Variants in NTNG2 observed in about 807,000 individuals in gnomAD.
NTNG2 encodes netrin G2.
In NTNG2, 15 loss-of-function variants were observed where a neutral mutation model predicts 47.6. The ratio of observed to expected loss-of-function variants is 0.32; its 90% CI spans 0.21 to 0.49. NTNG2 has a LOEUF of 0.49. Ranked by LOEUF, NTNG2 falls within the 20% of genes least tolerant of loss-of-function variation. The probability of loss-of-function intolerance (pLI) is 0.99; values close to 1 mark genes in which losing one functional copy is unlikely to be tolerated. For missense variants in NTNG2, 578 were observed against 764.6 expected, an observed-to-expected ratio of 0.76 and a Z score of 2.88; for synonymous variants, 307 against 324.6, an observed-to-expected ratio of 0.95 and a Z score of 0.58.
intron 2 of NTNG2, among the ~76,000 whole-genome samples, chr9:132,171,948 T>C (rs1439751167): frequency 4.6e-5 from 7 of 152,110 alleles, no homozygotes; most frequent in Non-Finnish European, 1.0e-4. Context: ...GGCACAGTTG[T>C]GATGGGAAAG....
chr9:132,223,172 G>A (rs1329710045), intron 3 of NTNG2, among the ~76,000 whole-genome samples: 1 of 152,150 alleles, frequency 6.6e-6, no homozygotes, highest in African/African-American at 2.4e-5. Flanking sequence ...CATTCTGCAG[G>A]ATAATTCGAG....
rs762648591 is a variant in NTNG2, at chr9:132,241,945, C to T, written c.1427C>T (p.Ala476Val). ...GGTCLQNQRC[A>V]CPRGYTGVRC... Reference sequence around the variant, plus strand: ...ACCTGCCTGCAGAACCAGCGCTGCGCCTGCCCGCGCGGCTACACCGGCGTG... The same window carrying T: ...ACCTGCCTGCAGAACCAGCGCTGCGTCTGCCCGCGCGGCTACACCGGCGTG... The change falls in exon 8 of 8, where the codon GCC becomes GTC. Residue 476 changes from alanine to valine, a missense_variant. By Grantham distance (64) the Ala-to-Val change is moderately conservative (BLOSUM62 0). Transcript: ENST00000393229. 230 of 1,560,850 alleles carry T rather than the reference C, an allele frequency of 1.5e-4. No individual in the cohort carries two copies. The highest frequency in any genetic ancestry group is 1.1e-3 in the Middle Eastern group (6 of 5,410).
chr9:132,235,310 G>A (rs1234379458), intron 5 of NTNG2, among the ~76,000 whole-genome samples: 8 of 152,234 alleles, frequency 5.3e-5, no homozygotes, highest in South Asian at 4.1e-4. Flanking sequence ...GCCCAGAGGC[G>A]GGACCTGGTC....
intron 2 of NTNG2, among the ~76,000 whole-genome samples, chr9:132,186,059 GA>G (rs1837356943): frequency 6.6e-6 from 1 of 152,216 alleles, no homozygotes; most frequent in Admixed American, 6.5e-5. Context: ...CATAGCCAGA[GA>G]AAAATAGGGA....
chr9:132,189,300 C>T (rs1416427869), intron 2 of NTNG2, among the ~76,000 whole-genome samples: 1 of 151,522 alleles, frequency 6.6e-6, no homozygotes, highest in African/African-American at 2.4e-5. Context: ...CCCTGTGTTG[C>T]CTGGCCTCAT....
chr9:132,205,897 G>C lies in NTNG2; in HGVS notation c.857+7288G>C, dbSNP rs192292786. 5.6e-4 allele frequency among the ~76,000 whole-genome samples: 85 copies of C among 152,156 alleles called. No homozygotes were observed. The East Asian group carries it at 0.012, about 21-fold the overall frequency. On this transcript the variant is annotated intron_variant, in intron 3 of 7. Coordinates refer to ENST00000393229, the MANE Select transcript of NTNG2 (RefSeq NM_032536.4). ...CTCCATCTCAAAAGAAAAAAACATG[G>C]TAAGGTGATAAATATATACGTATAT...
At chr9:132,209,913 G>C (rs1215161358) in intron 3 of NTNG2, among the ~76,000 whole-genome samples, 2 of 151,734 alleles carry the variant, frequency 1.3e-5, no homozygotes, top group Admixed American at 6.6e-5. Flanking sequence ...GATAGCTGTG[G>C]GGAGGGCGGG....
At chr9:132,230,037 T>C (rs72763700) in intron 4 of NTNG2, among the ~76,000 whole-genome samples, 154 of 152,326 alleles carry the variant, frequency 1.0e-3, no homozygotes, top group Non-Finnish European at 2.0e-3. Flanking sequence ...AGTTCCCTCA[T>C]AGGGTTCTTG....
intron 3 of NTNG2, among the ~76,000 whole-genome samples, chr9:132,216,414 C>CTCTCTCTCTCTCTCTGTGTGTG (rs1554790515): frequency 9.1e-6 from 1 of 110,284 alleles, no homozygotes; most frequent in African/African-American, 4.9e-5. Flanking sequence ...CTCTCTCTCT[C>CTCTCTCTCTCTCTCTGTGTGTG]TGTGTGTGTG....
chr9:132,188,776 G>T (rs945507646), intron 2 of NTNG2, among the ~76,000 whole-genome samples: 1 of 152,156 alleles, frequency 6.6e-6, no homozygotes, highest in Non-Finnish European at 1.5e-5. Context: ...ACAACCCTGT[G>T]AAGCCAGTGC....
At position 132,244,415 on chromosome 9, in the gene NTNG2, A is replaced by C. The variant is rs2131082896; in HGVS notation, c.*2304A>C. Reference sequence around the variant, plus strand: ...GGCTGGTCTCAAACTCCTAGGCTCAAGTGAGCCTCCGGCCTTGGCCTCCCG... The same window carrying C: ...GGCTGGTCTCAAACTCCTAGGCTCACGTGAGCCTCCGGCCTTGGCCTCCCG... On this transcript the variant is annotated 3_prime_UTR_variant, in exon 8 of 8. Coordinates refer to ENST00000393229, the MANE Select transcript of NTNG2 (RefSeq NM_032536.4). The C allele has an allele frequency of 6.6e-6, 1 of 152,450 alleles. No individual in the cohort carries two copies. Among genetic ancestry groups the C allele is most frequent in the East Asian group, 1.9e-4 (1 of 5,188 alleles). The allele number at this position is 152,450 out of a possible 1,614,324, so 9.4% of individuals were successfully genotyped here.
Position 132,236,042 on chromosome 9 carries a change from A to C in NTNG2, c.1055-3062A>C, listed in dbSNP as rs1841601578. Among the ~76,000 whole-genome samples the C allele has an allele frequency of 6.6e-6, 1 of 152,220 alleles. No individual in the cohort carries two copies. Among genetic ancestry groups the C allele is most frequent in the Non-Finnish European group, 1.5e-5 (1 of 68,024 alleles). ...CCCTCCGAGGGCTTCGGAGTCTGGT[A>C]GAGGCCCCGCCTCCCACGACAGGAA... On this transcript the variant is annotated intron_variant, in intron 5 of 7. Coordinates refer to ENST00000393229, the MANE Select transcript of NTNG2 (RefSeq NM_032536.4). The surrounding 1 kb of genome is among the most constrained non-coding windows in gnomAD (Gnocchi z 4.3).
At chr9:132,183,943 C>A (rs1325722185) in intron 2 of NTNG2, among the ~76,000 whole-genome samples, 1 of 152,180 alleles carries the variant, frequency 6.6e-6, no homozygotes, top group Non-Finnish European at 1.5e-5. Context: ...ACACCCCTCC[C>A]GTCCCCAGGT....
intron 3 of NTNG2, among the ~76,000 whole-genome samples, chr9:132,216,191 T>A (rs12004211): frequency 0.094 from 14,235 of 152,180 alleles, 1,744 homozygotes; most frequent in African/African-American, 0.28. Flanking sequence ...TCCATGCCGG[T>A]TGCTGCACAC....
chr9:132,195,845 T>G (rs1478144990), intron 2 of NTNG2, among the ~76,000 whole-genome samples: 2 of 151,986 alleles, frequency 1.3e-5, no homozygotes. Flanking sequence ...TTGCCTAGGC[T>G]GATCTTGAAC....
At chr9:132,201,876 C>T (rs947375765) in intron 3 of NTNG2, among the ~76,000 whole-genome samples, 8 of 152,268 alleles carry the variant, frequency 5.3e-5, no homozygotes, top group Middle Eastern at 3.4e-3. Context: ...CCCCCTGGAG[C>T]GCTCCCCGCG....
intron 2 of NTNG2, among the ~76,000 whole-genome samples, chr9:132,194,506 C>G (rs557226929): frequency 2.0e-5 from 3 of 152,292 alleles, no homozygotes; most frequent in African/African-American, 7.2e-5. Flanking sequence ...AGCTGGGAAC[C>G]CCCCCGCCCC....
rs1042997037 is a variant in NTNG2, at chr9:132,242,912, A to C, written c.*801A>C. On this transcript the variant is annotated 3_prime_UTR_variant, in exon 8 of 8. Coordinates refer to ENST00000393229, the MANE Select transcript of NTNG2 (RefSeq NM_032536.4). The surrounding 1 kb of genome is among the most constrained non-coding windows in gnomAD (Gnocchi z 5.9). ...CAGAGGAATCCACAACACAGCCTTA[A>C]AGAAACGGTTTCCCTACTGGGGCCA... The C allele has an allele frequency of 2.0e-5, 3 of 152,042 alleles. No homozygotes were observed. Among genetic ancestry groups the C allele is most frequent in the African/African-American group, 7.2e-5 (3 of 41,384 alleles). 9.4% of individuals were successfully genotyped at this position (152,042 alleles called of 1,614,324 possible).
At chr9:132,196,276 C>T (rs1026849457) in intron 2 of NTNG2, among the ~76,000 whole-genome samples, 6 of 152,186 alleles carry the variant, frequency 3.9e-5, no homozygotes, top group East Asian at 3.8e-4. Context: ...CTGCAACCTA[C>T]GCCTCCAGGG....
Sources: allele counts gnomAD v4.1 joint callset (sites outside exome capture counted in the v4.1 genomes callset), GRCh38; gene constraint gnomAD v4.1.1; non-coding constraint Gnocchi (gnomAD v3.1); transcripts MANE v1.5; gene names NCBI Gene and HGNC (gene_info 2026-07-23, HGNC 2026-07-21).